The following CNBD1 variants were observed in gnomAD, a reference collection of about 807,000 sequenced individuals.
CNBD1 encodes cyclic nucleotide binding domain containing 1, also known as cyclic nucleotide-binding domain-containing protein 1.
A neutral mutation model predicts 54.4 loss-of-function variants in CNBD1; 71 were observed. The observed-to-expected ratio is 1.30, with a 90% confidence interval of 1.08 to 1.59. The LOEUF (loss-of-function observed/expected upper bound fraction) is 1.59. Among genes scored for constraint, CNBD1 ranks in the 40% most tolerant of loss-of-function variants. The probability of loss-of-function intolerance (pLI) is 0.00; values close to 1 mark genes in which losing one functional copy is unlikely to be tolerated. For missense variants in CNBD1, 659 were observed against 518.0 expected, an observed-to-expected ratio of 1.27 and a Z score of -2.64; for synonymous variants, 182 against 170.7, an observed-to-expected ratio of 1.07 and a Z score of -0.51.
At chr8:87,183,506 C>T (rs1300864885) in intron 4 of CNBD1, among the ~76,000 whole-genome samples, 1 of 150,604 alleles carries the variant, frequency 6.6e-6, no homozygotes, top group Non-Finnish European at 1.5e-5. Flanking sequence ...TTCTTGCCAT[C>T]CAGATTCTGA....
intron 3 of CNBD1, among the ~76,000 whole-genome samples, chr8:86,929,759 C>A (rs569468320): frequency 1.3e-5 from 2 of 152,214 alleles, no homozygotes; most frequent in East Asian, 3.9e-4. Context: ...CATGAGTAGT[C>A]TAGATGGTGA....
At chr8:87,310,849 T>C (rs900306090) in intron 8 of CNBD1, among the ~76,000 whole-genome samples, 7 of 152,036 alleles carry the variant, frequency 4.6e-5, no homozygotes, top group African/African-American at 1.7e-4. Context: ...CTGTCAGTCT[T>C]TGATAAAGTT....
At chr8:87,193,145 C>T (rs1813647211) in intron 4 of CNBD1, among the ~76,000 whole-genome samples, 1 of 152,096 alleles carries the variant, frequency 6.6e-6, no homozygotes, top group African/African-American at 2.4e-5. Flanking sequence ...TTGAGAGAAA[C>T]ATAAGCTTCC....
rs747471114 is a variant in CNBD1 at position 87,351,842 on chromosome 8, G to T, written c.1152+48G>T. The T allele has an allele frequency of 5.9e-6, 8 of 1,366,694 alleles. No individual in the cohort carries two copies. In the South Asian group the frequency reaches 1.2e-4, roughly 21 times the overall value. 84.7% of individuals were successfully genotyped at this position (1,366,694 alleles called of 1,614,324 possible). On this transcript the variant is annotated intron_variant, in intron 9 of 10. Transcript: ENST00000518476. The stretch of plus-strand genomic sequence containing the variant: ...TTTTAATCAATTAATCTACTCTAAA[G>T]AATAGTGTCAGATACCTTTTCATGT...
rs551919779 is a variant in CNBD1, at chr8:87,146,338, T to G, written c.432-59655T>G. On this transcript the variant is annotated intron_variant, in intron 4 of 10. Transcript: ENST00000518476. Reference sequence around the variant, plus strand: ...TAGAACTGGTAACCCAGTTACATATTTGTGTCTACACCTTTACTTTTTCAA... The same window carrying G: ...TAGAACTGGTAACCCAGTTACATATGTGTGTCTACACCTTTACTTTTTCAA... Among the ~76,000 whole-genome samples, 6 of 152,286 alleles carry G rather than the reference T, an allele frequency of 3.9e-5. No individual in the cohort carries two copies. In the South Asian group the frequency reaches 1.2e-3, roughly 32 times the overall value.
chr8:86,982,730 C>T (rs1346535594), intron 4 of CNBD1, among the ~76,000 whole-genome samples: 1 of 152,052 alleles, frequency 6.6e-6, no homozygotes, highest in African/African-American at 2.4e-5. Context: ...GTGAGTTATC[C>T]CATCTTACCT....
chr8:87,178,607 C>T (rs1433645892), intron 4 of CNBD1, among the ~76,000 whole-genome samples: 1 of 152,160 alleles, frequency 6.6e-6, no homozygotes, highest in Non-Finnish European at 1.5e-5. Flanking sequence ...AGCGACAAAC[C>T]TGACTTCCAT....
At chr8:87,088,805 T>G (rs1013620963) in intron 4 of CNBD1, among the ~76,000 whole-genome samples, 2 of 152,144 alleles carry the variant, frequency 1.3e-5, no homozygotes, top group Admixed American at 6.5e-5. Context: ...CAGCAGAAAT[T>G]GAGCACTGTT....
chr8:87,013,661 A>C (rs1563858196), intron 4 of CNBD1, among the ~76,000 whole-genome samples: 1 of 150,952 alleles, frequency 6.6e-6, no homozygotes, highest in African/African-American at 2.4e-5. Context: ...CAAGCCAGAA[A>C]ATTTATATTC....
rs1393170078 is a variant in CNBD1, at chr8:87,425,634, G to A, written c.214-2912G>A. ...GTGCCTCCCAGTTAGGCTGCTCGGG[G>A]GTCAGGGGTCAGGGACCCACTTGAG... is the stretch of plus-strand genomic sequence containing the variant. On this transcript the variant is annotated intron_variant, in intron 2 of 7. Coordinates refer to the CNBD1 transcript ENST00000521593. 5.3e-5 allele frequency among the ~76,000 whole-genome samples: 8 copies of A among 152,184 alleles called. 1 individual carries two copies. Among genetic ancestry groups the A allele is most frequent in the Middle Eastern group, 3.4e-3 (1 of 294 alleles).
chr8:87,075,434 C>A (rs2130657550), intron 4 of CNBD1, among the ~76,000 whole-genome samples: 1 of 152,176 alleles, frequency 6.6e-6, no homozygotes, highest in South Asian at 2.1e-4. Flanking sequence ...AGGTCTCTCA[C>A]CAAAAAAAGT....
intron 4 of CNBD1, among the ~76,000 whole-genome samples, chr8:87,175,536 C>T (rs530154657): frequency 7.7e-4 from 117 of 152,204 alleles, no homozygotes; most frequent in Non-Finnish European, 1.3e-3. Flanking sequence ...CTAGAAATGT[C>T]ATCCAAGAGC....
intron 8 of CNBD1, among the ~76,000 whole-genome samples, chr8:87,344,205 A>T (rs569166695): frequency 6.6e-6 from 1 of 152,262 alleles, no homozygotes; most frequent in South Asian, 2.1e-4. Context: ...TGAACTAGTT[A>T]TTAATGAAAT....
intron 4 of CNBD1, among the ~76,000 whole-genome samples, chr8:87,142,417 A>T (rs1448675914): frequency 6.6e-6 from 1 of 152,136 alleles, no homozygotes; most frequent in Non-Finnish European, 1.5e-5. Flanking sequence ...GTTTGGTTGA[A>T]ATATTTAGTT....
At chr8:87,022,383 TA>T (rs1156911543) in intron 4 of CNBD1, among the ~76,000 whole-genome samples, 1 of 152,196 alleles carries the variant, frequency 6.6e-6, no homozygotes, top group Non-Finnish European at 1.5e-5. Flanking sequence ...TCTTTGTTGT[TA>T]AGTTATCAGG....
chr8:87,422,545 G>T (rs962572634), intron 2 of CNBD1, among the ~76,000 whole-genome samples: 51 of 151,982 alleles, frequency 3.4e-4, no homozygotes, highest in Non-Finnish European at 7.2e-4. Flanking sequence ...TTTCCCCATT[G>T]CTTGTTTTTC....
chr8:87,308,908 A>G (rs1376853548), intron 8 of CNBD1, among the ~76,000 whole-genome samples: 2 of 152,182 alleles, frequency 1.3e-5, no homozygotes, highest in Admixed American at 6.6e-5. Flanking sequence ...ATGTTGCTGC[A>G]TATGACAGCA....
At chr8:87,176,651 A>AT (rs1271131400) in intron 4 of CNBD1, among the ~76,000 whole-genome samples, 5 of 142,170 alleles carry the variant, frequency 3.5e-5, no homozygotes, top group African/African-American at 1.0e-4. Context: ...CGCCCGGCTA[A>AT]ATTTTTTTTT....
At chr8:87,291,541 C>T (rs1038381934) in intron 8 of CNBD1, among the ~76,000 whole-genome samples, 3 of 152,006 alleles carry the variant, frequency 2.0e-5, no homozygotes, top group Admixed American at 6.6e-5. Context: ...GTAAGAATCA[C>T]CCTTAGTTGT....
Sources: gnomAD v4.1 joint callset for allele counts (sites outside exome capture counted in the v4.1 genomes callset) on GRCh38, gnomAD v4.1.1 for gene constraint, MANE v1.5 for transcripts, NCBI Gene and HGNC (gene_info 2026-07-23, HGNC 2026-07-21) for gene names.